The following AGBL4 variants were observed in gnomAD, a reference collection of about 807,000 sequenced individuals.
AGBL4 encodes the protein AGBL carboxypeptidase 4.
A neutral mutation model predicts 66.4 loss-of-function variants in AGBL4; 58 were observed. That is an observed-to-expected ratio of 0.87 (90% CI 0.71 to 1.09). The LOEUF (loss-of-function observed/expected upper bound fraction) is 1.09. Ranked by LOEUF, AGBL4 falls within the 50% of genes least tolerant of loss-of-function variation. The pLI is 0.00. For synonymous variants in AGBL4, 234 were observed against 222.9 expected (o/e 1.05, Z -0.44); for missense variants, 579 against 631.0 (o/e 0.92, Z 0.88).
At chr1:49,507,313 C>T (rs1209142641) in intron 3 of AGBL4, among the ~76,000 whole-genome samples, 2 of 151,882 alleles carry the variant, frequency 1.3e-5, no homozygotes, top group Non-Finnish European at 2.9e-5. Context: ...GAGACACTAC[C>T]ACAGCCACAA....
intron 6 of AGBL4, among the ~76,000 whole-genome samples, chr1:48,861,595 AG>A (rs1469341266): frequency 1.2e-4 from 18 of 152,344 alleles, no homozygotes; most frequent in Middle Eastern, 3.4e-3. Flanking sequence ...ATGAAAAAAT[AG>A]GCATACTTCT....
chr1:48,971,112 A>G (rs1188698937), intron 5 of AGBL4, among the ~76,000 whole-genome samples: 1 of 151,994 alleles, frequency 6.6e-6, no homozygotes, highest in Non-Finnish European at 1.5e-5. Context: ...GGGTCCCCAA[A>G]CCCCCAGCCT....
At chr1:49,295,199 T>C (rs1388656248) in intron 3 of AGBL4, among the ~76,000 whole-genome samples, 1 of 152,206 alleles carries the variant, frequency 6.6e-6, no homozygotes, top group Non-Finnish European at 1.5e-5. Context: ...TACTACAGTG[T>C]AAGCATTGAG....
chr1:49,123,731 A>T (rs1270390386), intron 4 of AGBL4, among the ~76,000 whole-genome samples: 1 of 152,202 alleles, frequency 6.6e-6, no homozygotes, highest in Non-Finnish European at 1.5e-5. Flanking sequence ...CAGTGTCAAT[A>T]AAAGCTGTGT....
intron 1 of AGBL4, among the ~76,000 whole-genome samples, chr1:49,913,259 T>G (rs2148216005): frequency 6.6e-6 from 1 of 152,268 alleles, no homozygotes; most frequent in South Asian, 2.1e-4. Context: ...AGTTATCTAC[T>G]TACAAAATAC....
intron 1 of AGBL4, among the ~76,000 whole-genome samples, chr1:49,964,937 C>T (rs1657429577): frequency 6.6e-6 from 1 of 152,018 alleles, no homozygotes; most frequent in Non-Finnish European, 1.5e-5. Context: ...GAATATAAAA[C>T]ATATTTTATT....
chr1:50,010,624 A>T (rs954907362), intron 1 of AGBL4, among the ~76,000 whole-genome samples: 3 of 152,214 alleles, frequency 2.0e-5, no homozygotes, highest in Non-Finnish European at 4.4e-5. Flanking sequence ...ACAGACACAT[A>T]GACCAATGGG....
chr1:48,954,457 G>T (rs570596354), intron 5 of AGBL4, among the ~76,000 whole-genome samples: 5 of 152,286 alleles, frequency 3.3e-5, no homozygotes, highest in African/African-American at 1.2e-4. Flanking sequence ...ACTGTGCAGA[G>T]TCACAGAGAG....
intron 2 of AGBL4, chr1:49,842,050 G>A (rs777287857): frequency 1.5e-4 from 55 of 375,382 alleles, no homozygotes; most frequent in Non-Finnish European, 2.6e-4. Flanking sequence ...TCCTCCTTGT[G>A]CCCAGCCTCT....
chr1:48,887,272 A>G (rs1004697218), intron 5 of AGBL4, among the ~76,000 whole-genome samples: 5 of 152,226 alleles, frequency 3.3e-5, no homozygotes, highest in Non-Finnish European at 2.9e-5. Flanking sequence ...AGAGTTTTCT[A>G]TGCCCTACTT....
intron 2 of AGBL4, among the ~76,000 whole-genome samples, chr1:49,830,197 C>G (rs1645626348): frequency 6.6e-6 from 1 of 152,166 alleles, no homozygotes; most frequent in Non-Finnish European, 1.5e-5. Context: ...ACCACACTGT[C>G]TTCCACAATG....
At position 48,716,250 on chromosome 1, in the gene AGBL4, G is replaced by A. The variant is rs565071361; in HGVS notation, c.635-53009C>T. On this transcript the variant is annotated intron_variant, in intron 6 of 13. Coordinates refer to ENST00000371839, the MANE Select transcript of AGBL4 (RefSeq NM_032785.4). ...GAAACGCATCATGTTGCCACACATG[G>A]TTTCTTGCGGTTGAGGAGGGGGAGA... is the stretch of plus-strand genomic sequence containing the variant. Among the ~76,000 whole-genome samples, 8 of 152,262 alleles carry A rather than the reference G, an allele frequency of 5.3e-5. No individual in the cohort carries two copies. The East Asian group carries it at 1.4e-3, about 26-fold the overall frequency.
intron 3 of AGBL4, among the ~76,000 whole-genome samples, chr1:49,622,620 C>A (rs1194563255): frequency 2.2e-5 from 2 of 90,628 alleles, no homozygotes; most frequent in Non-Finnish European, 1.9e-5. Context: ...CAGAGCGAGA[C>A]TCCGTCTCAA....
chr1:49,002,785 GC>G (rs1269177516), intron 5 of AGBL4, among the ~76,000 whole-genome samples: 1 of 152,120 alleles, frequency 6.6e-6, no homozygotes, highest in African/African-American at 2.4e-5. Context: ...GTTCCCATAA[GC>G]CATTCAGTAT....
chr1:49,772,150 A>G (rs1484868146), intron 2 of AGBL4, among the ~76,000 whole-genome samples: 1 of 152,042 alleles, frequency 6.6e-6, no homozygotes, highest in Non-Finnish European at 1.5e-5. Flanking sequence ...TCTACCATAA[A>G]TTCTTTTTTG....
chr1:49,736,858 G>A (rs1025080237), intron 2 of AGBL4, among the ~76,000 whole-genome samples: 10 of 151,870 alleles, frequency 6.6e-5, no homozygotes, highest in Non-Finnish European at 1.0e-4. Context: ...CAAAGGACAT[G>A]AACAGACAGT....
At chr1:49,276,408 A>T (rs1644168955) in intron 3 of AGBL4, among the ~76,000 whole-genome samples, 1 of 152,182 alleles carries the variant, frequency 6.6e-6, no homozygotes, top group Non-Finnish European at 1.5e-5. Context: ...AGACTCAAGG[A>T]TATCAAAATA....
At chr1:48,995,830 T>C (rs1004499142) in intron 5 of AGBL4, among the ~76,000 whole-genome samples, 2 of 152,148 alleles carry the variant, frequency 1.3e-5, no homozygotes, top group South Asian at 4.1e-4. Context: ...TTATTGGCCA[T>C]GATAAGAACC....
chr1:49,924,221 C>A (rs1652540966), intron 1 of AGBL4, among the ~76,000 whole-genome samples: 1 of 152,068 alleles, frequency 6.6e-6, no homozygotes, highest in Non-Finnish European at 1.5e-5. Context: ...TTCTCACTTA[C>A]AATTGGGAGT....
Sources: allele counts gnomAD v4.1 joint callset (sites outside exome capture counted in the v4.1 genomes callset), GRCh38; gene constraint gnomAD v4.1.1; transcripts MANE v1.5; gene names NCBI Gene and HGNC (gene_info 2026-07-23, HGNC 2026-07-21).